PCDHGA7: variants seen among roughly 807,000 people sequenced by gnomAD.
PCDHGA7 encodes the protein protocadherin gamma-A7.
A neutral mutation model predicts 58.3 loss-of-function variants in PCDHGA7; 44 were observed. That is an observed-to-expected ratio of 0.75 (90% confidence interval 0.59 to 0.97). The LOEUF (loss-of-function observed/expected upper bound fraction) is 0.97. Ranked by LOEUF, PCDHGA7 falls within the 50% of genes least tolerant of loss-of-function variation. The pLI is 0.00. For synonymous variants in PCDHGA7, 516 were observed against 504.2 expected, an observed-to-expected ratio of 1.02 and a Z score of -0.31; for missense variants, 1,266 against 1,188.7, an observed-to-expected ratio of 1.06 and a Z score of -0.96.
chr5:141,419,756 G>C (rs1006926516), intron 1 of PCDHGA7: 10 of 1,613,890 alleles, frequency 6.2e-6, no homozygotes, highest in Admixed American at 1.7e-5. Flanking sequence ...GCGTGCTTTG[G>C]GTGACAAGGA....
intron 1 of PCDHGA7, chr5:141,414,893 C>T: frequency 6.2e-7 from 1 of 1,614,248 alleles, no homozygotes; most frequent in Non-Finnish European, 8.5e-7. Context: ...GCCCTCCCCA[C>T]AGACGGTTCC....
Position 141,505,409 on chromosome 5 carries a change from G to T in PCDHGA7, c.2500G>T (p.Asp834Tyr). The change falls in exon 3 of 4, where the codon GAC (aspartate) becomes TAC (tyrosine). Residue 834 changes from aspartate to tyrosine, a missense_variant. Asp to Tyr is a radical substitution (Grantham distance 160). Transcript: ENST00000518325. ...PGTSGSQNGD[D>Y]TGTWPNNQFD... Reference sequence around the variant, plus strand: ...TCTCCCCAGCTCCCAAAATGGCGATGACACCGGCACCTGGCCCAACAACCA... The same window carrying T: ...TCTCCCCAGCTCCCAAAATGGCGATTACACCGGCACCTGGCCCAACAACCA... 6.2e-7 allele frequency: 1 copy of T among 1,614,200 alleles called. No individual in the cohort carries two copies. Among genetic ancestry groups the T allele is most frequent in the Non-Finnish European group, 8.5e-7 (1 of 1,180,048 alleles).
At position 141,431,203 on chromosome 5, in the gene PCDHGA7, T is replaced by C. The variant is rs139061906; in HGVS notation, c.2424+45880T>C. On this transcript the variant is annotated intron_variant, in intron 1 of 3. Coordinates refer to ENST00000518325, the MANE Select transcript of PCDHGA7 (RefSeq NM_018920.4). This position sits in a 1 kb window ranked among gnomAD's most constrained non-coding sequence, Gnocchi z 4.8. ...TAAAAATTAGTGAAAATGCAGCCACTGAGATGCGGTTCCCTCTACCCCACG... is the reference window on the plus strand; with the variant it reads ...TAAAAATTAGTGAAAATGCAGCCACCGAGATGCGGTTCCCTCTACCCCACG... The C allele has an allele frequency of 3.1e-6, 5 of 1,614,116 alleles. No individual in the cohort carries two copies. The highest frequency in any genetic ancestry group is 1.1e-5 in the South Asian group (1 of 91,090).
intron 1 of PCDHGA7, among the ~76,000 whole-genome samples, chr5:141,437,415 G>A: frequency 6.6e-6 from 1 of 152,162 alleles, no homozygotes; most frequent in Non-Finnish European, 1.5e-5. Context: ...GAAGTATTAT[G>A]CTTTTTGAAG....
chr5:141,403,049 T>A, intron 1 of PCDHGA7: 1 of 1,614,056 alleles, frequency 6.2e-7, no homozygotes, highest in Non-Finnish European at 8.5e-7. Context: ...TCAGATTCGC[T>A]ACTCAGTGCC....
At chr5:141,393,142 T>C in intron 1 of PCDHGA7, 1 of 1,613,286 alleles carries the variant, frequency 6.2e-7, no homozygotes, top group Non-Finnish European at 8.5e-7. Flanking sequence ...AACACCCTGG[T>C]TGAGGATAAA....
intron 1 of PCDHGA7, chr5:141,423,577 G>A (rs1348410879): frequency 6.2e-7 from 1 of 1,613,478 alleles, no homozygotes; most frequent in Non-Finnish European, 8.5e-7. Context: ...CATCAGCCAG[G>A]AGAGCTGTGA....
At chr5:141,403,507 A>G (rs373170550) in intron 1 of PCDHGA7, 1 of 1,614,006 alleles carries the variant, frequency 6.2e-7, no homozygotes, top group Non-Finnish European at 8.5e-7. Context: ...TGCAGACTGG[A>G]GACAATGGAG....
intron 1 of PCDHGA7, chr5:141,409,169 G>A (rs371896881): frequency 3.5e-5 from 56 of 1,613,906 alleles, no homozygotes; most frequent in Non-Finnish European, 4.2e-5. Flanking sequence ...GGAAGCGAAG[G>A]ACGGAGGTGG....
chr5:141,389,930 C>T (rs1255366269), intron 1 of PCDHGA7: 1 of 1,614,064 alleles, frequency 6.2e-7, no homozygotes. Context: ...CCTCTGACCT[C>T]CAGGCTGAGC....
chr5:141,405,331 C>G (rs1561699778), intron 1 of PCDHGA7: 1 of 1,614,186 alleles, frequency 6.2e-7, no homozygotes, highest in Non-Finnish European at 8.5e-7. Flanking sequence ...CTTTGTGCGT[C>G]TCTGTTGATT....
rs111263562 is a variant in PCDHGA7, at chr5:141,487,812, T to C, written c.2425-6995T>C. The C allele has an allele frequency of 1.1e-4, 148 of 1,408,204 alleles. 1 individual carries two copies. Among genetic ancestry groups the C allele is most frequent in the South Asian group, 1.6e-4 (12 of 73,988 alleles). The allele number at this position is 1,408,204 out of a possible 1,614,324, so 87.2% of individuals were successfully genotyped here. On this transcript the variant is annotated intron_variant, in intron 1 of 3. Coordinates refer to ENST00000518325, the MANE Select transcript of PCDHGA7 (RefSeq NM_018920.4). The surrounding 1 kb of genome is among the most constrained non-coding windows in gnomAD (Gnocchi z 5.0). ...TAACCAGAGTTGTCACAGTTTAGCA[T>C]TGGGGGCGGGTCATGCCTATATCTG...
In PCDHGA7 at chr5:141,431,584, G is replaced by C. The variant is rs201462681; in HGVS notation, c.2424+46261G>C. 5.0e-6 allele frequency: 8 copies of C among 1,614,192 alleles called. No individual in the cohort carries two copies. The Admixed American group carries it at 1.3e-4, about 27-fold the overall frequency. ...CCGACCCTGACGAAGGAGTCAATGC[G>C]GAAGTGAGGTATTCCTTCCGGTATG... On this transcript the variant is annotated intron_variant, in intron 1 of 3. Transcript: ENST00000518325. This position sits in a 1 kb window ranked among gnomAD's most constrained non-coding sequence, Gnocchi z 4.8.
rs1375469711 is a variant in PCDHGA7, at chr5:141,512,102, C to A, written c.*929C>A. On this transcript the variant is annotated 3_prime_UTR_variant, in exon 4 of 4. Coordinates refer to ENST00000518325, the MANE Select transcript of PCDHGA7 (RefSeq NM_018920.4). ...GCCATAAACCAATAACTAGGCTGGA[C>A]CCTTCCCACTACATAATAGGGCTCA... The A allele has an allele frequency of 6.5e-6, 1 of 152,688 alleles. No individual in the cohort carries two copies. Among genetic ancestry groups the A allele is most frequent in the Non-Finnish European group, 1.5e-5 (1 of 68,070 alleles). The allele number at this position is 152,688 out of a possible 1,614,324, so 9.5% of individuals were successfully genotyped here. A position where few individuals can be genotyped will look rare whatever the true frequency, so the allele number is the denominator to read the frequency against.
intron 1 of PCDHGA7, chr5:141,393,880 T>A (rs1561645063): frequency 6.2e-7 from 1 of 1,614,004 alleles, no homozygotes; most frequent in Non-Finnish European, 8.5e-7. Context: ...TTTAGCCCAG[T>A]GTTAGAAAAT....
chr5:141,394,007 A>G lies in PCDHGA7; in HGVS notation c.2424+8684A>G, dbSNP rs1230558462. The G allele has an allele frequency of 3.7e-6, 6 of 1,613,344 alleles. No homozygotes were observed. The East Asian group carries it at 1.3e-4, about 36-fold the overall frequency. Reference sequence around the variant, plus strand: ...TACCTTTTAAATTAGAAAAGTCAATAGGTAATTATTATAGATTAGTGACAA... The same window carrying G: ...TACCTTTTAAATTAGAAAAGTCAATGGGTAATTATTATAGATTAGTGACAA... On this transcript the variant is annotated intron_variant, in intron 1 of 3. Coordinates refer to ENST00000518325, the MANE Select transcript of PCDHGA7 (RefSeq NM_018920.4).
chr5:141,470,842 CA>C (rs1300821457), intron 1 of PCDHGA7, among the ~76,000 whole-genome samples: 2 of 152,044 alleles, frequency 1.3e-5, no homozygotes, highest in African/African-American at 4.8e-5. Flanking sequence ...CACACGCCAC[CA>C]TGCTCAGATA....
chr5:141,491,148 G>A lies in PCDHGA7; in HGVS notation c.2425-3659G>A. The A allele has an allele frequency of 6.8e-6, 11 of 1,614,140 alleles. No homozygotes were observed. The highest frequency in any genetic ancestry group is 9.3e-6 in the Non-Finnish European group (11 of 1,179,990). The stretch of plus-strand genomic sequence containing the variant: ...TGCGCACAGCCCGGGCCTTACTGGA[G>A]GATGACTCTGACACCCAGCAGGTGG... On this transcript the variant is annotated intron_variant, in intron 1 of 3. Transcript: ENST00000518325. The surrounding 1 kb of genome is among the most constrained non-coding windows in gnomAD (Gnocchi z 6.9).
rs375665864 is a variant in PCDHGA7, at chr5:141,469,524, A to G, written c.2425-25283A>G. Among the ~76,000 whole-genome samples the G allele has an allele frequency of 2.4e-4, 36 of 152,260 alleles. No homozygotes were observed. The East Asian group carries it at 3.1e-3, about 13-fold the overall frequency. On this transcript the variant is annotated intron_variant, in intron 1 of 3. Coordinates refer to ENST00000518325, the MANE Select transcript of PCDHGA7 (RefSeq NM_018920.4). ...CGGGAGGTGGAGGTTGCAGTGAGCCAAGATTGTGCCACTGCACTCCAGCCT... is the reference window on the plus strand; with the variant it reads ...CGGGAGGTGGAGGTTGCAGTGAGCCGAGATTGTGCCACTGCACTCCAGCCT...
Sources: allele counts gnomAD v4.1 joint callset (sites outside exome capture counted in the v4.1 genomes callset), GRCh38; gene constraint gnomAD v4.1.1; non-coding constraint Gnocchi (gnomAD v3.1); transcripts MANE v1.5; gene names NCBI Gene and HGNC (gene_info 2026-07-23, HGNC 2026-07-21).